GAPVD1: variants seen among roughly 807,000 people sequenced by gnomAD.
GAPVD1 encodes the protein GTPase activating protein and VPS9 domains 1, also known as GTPase-activating protein and VPS9 domain-containing protein 1.
A neutral mutation model predicts 155.5 loss-of-function variants in GAPVD1; 35 were observed. The observed-to-expected ratio is 0.23, with a 90% CI of 0.17 to 0.30. GAPVD1 has a LOEUF of 0.30. Ranked by LOEUF, GAPVD1 falls within the 10% of genes least tolerant of loss-of-function variation. The probability of loss-of-function intolerance (pLI) is 1.00; values close to 1 mark genes in which losing one functional copy is unlikely to be tolerated. For synonymous variants in GAPVD1, 636 were observed against 619.7 expected (o/e 1.03, Z -0.39); for missense variants, 1,429 against 1,775.7 (o/e 0.80, Z 3.51).
chr9:125,363,377 TA>T lies in GAPVD1; in HGVS notation c.*633del, dbSNP rs1851200147. 6.6e-6 allele frequency: 1 copy of T among 152,218 alleles called. No individual in the cohort carries two copies. The highest frequency in any genetic ancestry group is 1.5e-5 in the Non-Finnish European group (1 of 68,040). 9.4% of individuals were successfully genotyped at this position (152,218 alleles called of 1,614,324 possible). ...GTGAAATGGTTTCCTTGACAAAATT[TA>T]AGCTGAGCTTAAAAGCAAAAAACAA... On this transcript the variant is annotated 3_prime_UTR_variant, in exon 28 of 28. Coordinates refer to ENST00000297933, the MANE Select transcript of GAPVD1 (RefSeq NM_001282680.3).
In GAPVD1 at chr9:125,323,785, A is replaced by G; in HGVS notation, c.1733-13A>G. On this transcript the variant is annotated splice_polypyrimidine_tract_variant and intron_variant, in intron 10 of 27. Coordinates refer to ENST00000297933, the MANE Select transcript of GAPVD1 (RefSeq NM_001282680.3). The stretch of plus-strand genomic sequence containing the variant: ...TTTTAAAAAGATTGCTCACACTATA[A>G]ACATTTCTCTAGGTCCTTCAAATCG... 6.2e-7 allele frequency: 1 copy of G among 1,613,446 alleles called. No individual in the cohort carries two copies. Among genetic ancestry groups the G allele is most frequent in the Non-Finnish European group, 8.5e-7 (1 of 1,179,530 alleles).
At chr9:125,290,165 C>A (rs141299329) in intron 2 of GAPVD1, among the ~76,000 whole-genome samples, 1 of 151,970 alleles carries the variant, frequency 6.6e-6, no homozygotes, top group Non-Finnish European at 1.5e-5. Flanking sequence ...AGGCAAGACA[C>A]CTCTTTGAAA....
Position 125,302,432 on chromosome 9 carries a change from A to C in GAPVD1, c.635A>C (p.Glu212Ala), listed in dbSNP as rs1470540527. ...EPIMQLLVED[E>A]DHLETDPNKL... is the part of the protein sequence containing the mutation. ...ATTATGCAACTGCTTGTTGAAGATG[A>C]AGATCACCTGGAAACAGATCCAAAC... Residue 212 changes from glutamate (E) to alanine (A), a missense_variant, in exon 5 of 28, where the codon GAA (glutamate) becomes GCA (alanine). Transcript: ENST00000297933. 6.2e-7 allele frequency: 1 copy of C among 1,613,632 alleles called. No homozygotes were observed. Among genetic ancestry groups the C allele is most frequent in the Non-Finnish European group, 8.5e-7 (1 of 1,179,822 alleles).
rs778249606 is a variant in GAPVD1, at chr9:125,305,190, G to C, written c.1116+41G>C. Reference sequence around the variant, plus strand: ...ATTTATAGAAAATTCTGAAGTATTAGTGAGCCTAACTGTTCTCTTTATTAA... The same window carrying C: ...ATTTATAGAAAATTCTGAAGTATTACTGAGCCTAACTGTTCTCTTTATTAA... On this transcript the variant is annotated intron_variant, in intron 6 of 27. Coordinates refer to ENST00000297933, the MANE Select transcript of GAPVD1 (RefSeq NM_001282680.3). The C allele has an allele frequency of 7.7e-6, 10 of 1,299,526 alleles. No homozygotes were observed. The South Asian group carries it at 1.2e-4, about 16-fold the overall frequency. The allele number at this position is 1,299,526 out of a possible 1,614,324, so 80.5% of individuals were successfully genotyped here. A position where few individuals can be genotyped will look rare whatever the true frequency, so the allele number is the denominator to read the frequency against.
rs1191531265 is a variant in GAPVD1 at position 125,362,986 on chromosome 9, C to G, written c.*240C>G. ...TCTTGTCCCCAAGTAGAGACTAGTA[C>G]TACAAAAAGGGACCACATTTTTCAA... On this transcript the variant is annotated 3_prime_UTR_variant, in exon 28 of 28. Transcript: ENST00000297933. The G allele has an allele frequency of 3.9e-6, 1 of 258,366 alleles. No homozygotes were observed. Among genetic ancestry groups the G allele is most frequent in the African/African-American group, 2.2e-5 (1 of 44,980 alleles). The allele number at this position is 258,366 out of a possible 1,614,324, so 16.0% of individuals were successfully genotyped here. A position where few individuals can be genotyped will look rare whatever the true frequency, so the allele number is the denominator to read the frequency against.
intron 2 of GAPVD1, among the ~76,000 whole-genome samples, chr9:125,293,855 TATA>T (rs1839191292): frequency 4.0e-3 from 17 of 4,220 alleles, no homozygotes; most frequent in South Asian, 0.013. Flanking sequence ...ATATATTTTA[TATA>T]TATATATATA....
chr9:125,301,794 T>G (rs983070508), intron 4 of GAPVD1, among the ~76,000 whole-genome samples, 189 bp from the exon 5 acceptor site: 2 of 152,138 alleles, frequency 1.3e-5, no homozygotes, highest in African/African-American at 4.8e-5. Flanking sequence ...GAAATTGTCC[T>G]TTGTACTTTT....
chr9:125,352,958 A>C (rs951219162), intron 23 of GAPVD1, among the ~76,000 whole-genome samples: 2 of 152,096 alleles, frequency 1.3e-5, no homozygotes, highest in African/African-American at 4.8e-5. Flanking sequence ...AATACAAAAA[A>C]TTAGCTAGGT....
At chr9:125,309,566 C>G (rs1842356414) in intron 8 of GAPVD1, among the ~76,000 whole-genome samples, 1 of 152,170 alleles carries the variant, frequency 6.6e-6, no homozygotes, top group African/African-American at 2.4e-5. Context: ...AACTCCTGAC[C>G]TCAGGTGATC....
intron 2 of GAPVD1, among the ~76,000 whole-genome samples, chr9:125,288,483 CTG>C (rs1157249482): frequency 2.0e-5 from 3 of 152,156 alleles, no homozygotes; most frequent in Non-Finnish European, 4.4e-5. Flanking sequence ...CATCCTTGTT[CTG>C]TGTTATTTCT....
intron 2 of GAPVD1, among the ~76,000 whole-genome samples, chr9:125,276,181 A>G (rs10435847): frequency 0.013 from 1,969 of 152,222 alleles, 104 homozygotes; most frequent in East Asian, 0.088. Context: ...TTGCCTTTCA[A>G]TTCCTTGTAC....
chr9:125,337,048 A>C lies in GAPVD1; in HGVS notation c.2459A>C (p.Gln820Pro). Residue 820 changes from glutamine to proline, a missense_variant, in exon 16 of 28, where the codon CAG becomes CCG. By Grantham distance (76) the Gln-to-Pro change is moderately conservative. Transcript: ENST00000297933. The stretch of plus-strand genomic sequence containing the variant: ...CACCAGCTGACCTCTCCTCCTTCTC[A>C]GTCAGAGTCTCTGCTGGCCATGTTT... ...GAHQLTSPPS[Q>P]SESLLAMFDP... The C allele has an allele frequency of 6.2e-7, 1 of 1,613,034 alleles. No individual in the cohort carries two copies. The highest frequency in any genetic ancestry group is 1.7e-5 in the Admixed American group (1 of 60,018).
intron 25 of GAPVD1, among the ~76,000 whole-genome samples, chr9:125,357,300 C>G (rs140509373): frequency 6.6e-6 from 1 of 152,110 alleles, no homozygotes; most frequent in Non-Finnish European, 1.5e-5. Context: ...AACAGTTGGT[C>G]GGGCTTCATG....
intron 17 of GAPVD1, among the ~76,000 whole-genome samples, chr9:125,340,863 A>T (rs1169158192): frequency 2.6e-5 from 4 of 152,182 alleles, no homozygotes; most frequent in African/African-American, 7.2e-5. Context: ...TTATTTCACA[A>T]ACTTACTTAA....
Position 125,302,528 on chromosome 9 carries a change from G to T in GAPVD1, c.731G>T (p.Arg244Met). 6.2e-7 allele frequency: 1 copy of T among 1,613,970 alleles called. No homozygotes were observed. The highest frequency in any genetic ancestry group is 1.1e-5 in the South Asian group (1 of 91,074). ...GGAGAGAAGGGCTCAGATAGATTCA[G>T]GCAAAAAGTTCAAGAAATGGTGGAG... ...LFGEKGSDRF[R>M]QKVQEMVESN... is the part of the protein sequence containing the mutation. Residue 244 changes from arginine to methionine, a missense_variant, in exon 5 of 28, where the codon AGG becomes ATG. By Grantham distance (91) the Arg-to-Met change is moderately conservative. Transcript: ENST00000297933.
intron 17 of GAPVD1, 79 bp downstream of exon 17, chr9:125,337,670 A>G (rs1847236520): frequency 4.6e-6 from 6 of 1,301,864 alleles, no homozygotes; most frequent in African/African-American, 1.5e-5. Context: ...CATGGAATAT[A>G]TAAATCTAGG....
intron 24 of GAPVD1, among the ~76,000 whole-genome samples, chr9:125,355,413 A>G (rs1849928211): frequency 6.6e-6 from 1 of 152,174 alleles, no homozygotes; most frequent in South Asian, 2.1e-4. Flanking sequence ...CTAGAAACAT[A>G]TTTTTATAAC....
intron 9 of GAPVD1, among the ~76,000 whole-genome samples, chr9:125,318,752 AC>A (rs1843811364): frequency 6.6e-6 from 1 of 152,074 alleles, no homozygotes; most frequent in Non-Finnish European, 1.5e-5. Flanking sequence ...CCTTGTCTCT[AC>A]AAAAATAAAA....
intron 25 of GAPVD1, 146 bp downstream of exon 25, chr9:125,356,003 A>G (rs1023361982): frequency 3.2e-6 from 2 of 623,098 alleles, no homozygotes; most frequent in South Asian, 1.9e-5. Context: ...TCAGAGTTAC[A>G]TGATCACAAA....
Sources: gnomAD v4.1 joint callset for allele counts (sites outside exome capture counted in the v4.1 genomes callset) on GRCh38, gnomAD v4.1.1 for gene constraint, MANE v1.5 for transcripts, NCBI Gene and HGNC (gene_info 2026-07-23, HGNC 2026-07-21) for gene names.